ZAN: variants seen among roughly 807,000 people sequenced by gnomAD.
ZAN encodes zonadhesin.
Under a neutral mutation model 286.2 loss-of-function variants are expected in ZAN, and 260 were observed. The observed-to-expected ratio is 0.91, with a 90% CI of 0.82 to 1.01. The LOEUF (loss-of-function observed/expected upper bound fraction) is 1.01. Ranked by LOEUF, ZAN falls within the 50% of genes least tolerant of loss-of-function variation. ZAN has a pLI of 0.00. For synonymous variants in ZAN, 1,368 were observed against 1,417.5 expected, an observed-to-expected ratio of 0.97 and a Z score of 0.79; for missense variants, 3,410 against 3,639.2, an observed-to-expected ratio of 0.94 and a Z score of 1.62.
At chr7:100,766,983 C>T (rs747800395) in intron 24 of ZAN, 27 bp from the exon 25 acceptor site, 1 of 1,611,298 alleles carries the variant, frequency 6.2e-7, no homozygotes, top group African/African-American at 1.3e-5. Flanking sequence ...AGGAGTGAGA[C>T]TGTGAACTCC....
rs1426974946 is a variant in ZAN at position 100,768,485 on chromosome 7, AAG to A, written c.5042-121_5042-120del. 3.7e-6 allele frequency: 3 copies of A among 809,186 alleles called. No homozygotes were observed. The East Asian group carries it at 8.3e-5, about 22-fold the overall frequency. The allele number at this position is 809,186 out of a possible 1,614,324, so 50.1% of individuals were successfully genotyped here. On this transcript the variant is annotated intron_variant, in intron 26 of 47. Coordinates refer to ENST00000613979, the MANE Select transcript of ZAN (RefSeq NM_003386.3). Reference sequence around the variant, plus strand: ...AGACTCCATCTCAAAAAAGAAGAAAAAGAGACAGAAAGGGTTAACCTTGCTAT... The same window carrying A: ...AGACTCCATCTCAAAAAAGAAGAAAAAGACAGAAAGGGTTAACCTTGCTAT...
chr7:100,773,548 C>T (rs1223244923), intron 30 of ZAN, 55 bp downstream of exon 30: 4 of 1,593,236 alleles, frequency 2.5e-6, no homozygotes, highest in East Asian at 2.2e-5. Flanking sequence ...TGTTTGGGGT[C>T]AGGGCAAGCT....
chr7:100,773,553 C>T, intron 30 of ZAN, 60 bp downstream of exon 30: 1 of 1,587,852 alleles, frequency 6.3e-7, no homozygotes. Context: ...GGGGTCAGGG[C>T]AAGCTCAGGA....
At chr7:100,755,186 C>T (rs1269107820) in intron 14 of ZAN, 40 bp from the exon 15 acceptor site, 3 of 1,572,450 alleles carry the variant, frequency 1.9e-6, no homozygotes, top group African/African-American at 2.7e-5. Context: ...CCTGAGAAAG[C>T]CATGGAATGA....
At chr7:100,735,590 G>T in intron 2 of ZAN, 130 bp from the exon 3 acceptor site, 1 of 671,744 alleles carries the variant, frequency 1.5e-6, no homozygotes, top group Non-Finnish European at 2.4e-6. Context: ...AAAAAGTCAA[G>T]TCAGACACAT....
chr7:100,790,904 G>A, intron 39 of ZAN, 38 bp from the exon 40 acceptor site: 1 of 1,269,722 alleles, frequency 7.9e-7, no homozygotes, highest in South Asian at 1.4e-5. Context: ...AAAAAAGAGT[G>A]AGGAGTCTCA....
At chr7:100,771,437 G>GT (rs112916908) in intron 28 of ZAN, among the ~76,000 whole-genome samples, 2,299 of 139,764 alleles carry the variant, frequency 0.016, 56 homozygotes, top group African/African-American at 0.051. Flanking sequence ...TTTTTTTTTT[G>GT]TTTTTTTTTT....
chr7:100,767,906 G>A lies in ZAN; in HGVS notation c.4936G>A (p.Val1646Ile), dbSNP rs1196216790. 4 of 1,613,908 alleles carry A rather than the reference G, an allele frequency of 2.5e-6. No individual in the cohort carries two copies. Among genetic ancestry groups the A allele is most frequent in the Non-Finnish European group, 3.4e-6 (4 of 1,179,874 alleles). ...GACCATAAGGCTCAGCAGCAACCTCGTCCTCCTCTACACGAACTTTGGGCT... is the reference window on the plus strand; with the variant it reads ...GACCATAAGGCTCAGCAGCAACCTCATCCTCCTCTACACGAACTTTGGGCT... ...RVTIRLSSNL[V>I]LLYTNFGLQV... Residue 1646 changes from valine (V) to isoleucine (I), a missense_variant, in exon 26 of 48, where the codon GTC becomes ATC. Transcript: ENST00000613979.
At chr7:100,761,949 T>C (rs931894575) in intron 19 of ZAN, among the ~76,000 whole-genome samples, 11 of 126,782 alleles carry the variant, frequency 8.7e-5, no homozygotes, top group African/African-American at 7.7e-5. Flanking sequence ...AAAAAAAGGA[T>C]AAATAAATAA....
intron 27 of ZAN, among the ~76,000 whole-genome samples, chr7:100,769,412 C>T (rs1055081744): frequency 2.0e-5 from 3 of 151,892 alleles, no homozygotes; most frequent in African/African-American, 7.2e-5. Context: ...ACTTTTGCTT[C>T]GGTTTGGGAG....
intron 31 of ZAN, 54 bp downstream of exon 31, chr7:100,773,919 A>G: frequency 6.4e-7 from 1 of 1,555,526 alleles, no homozygotes; most frequent in Non-Finnish European, 8.7e-7. Flanking sequence ...CCACTCTCCC[A>G]ACTCCCCAAC....
intron 36 of ZAN, 113 bp downstream of exon 36, chr7:100,784,947 G>A: frequency 8.1e-7 from 1 of 1,239,340 alleles, no homozygotes. Context: ...TGGCCCGGGG[G>A]TGTGAAGGCT....
rs751494673 is a variant in ZAN, at chr7:100,758,261, T to A, written c.3369T>A (p.Ser1123Arg). ...CTEHCRCWPG[S>R]RVECQISQCG... is the part of the protein sequence containing the mutation. ...AACATTGCCGCTGCTGGCCCGGCAG[T>A]CGGGTCGAGTGCCAGATCTCTCAGT... The change falls in exon 16 of 48, where the codon AGT (serine) becomes AGA (arginine). Residue 1123 changes from serine (S) to arginine (R), a missense_variant. By Grantham distance (110) the Ser-to-Arg change is moderately radical. Coordinates refer to ENST00000613979, the MANE Select transcript of ZAN (RefSeq NM_003386.3). 6.2e-7 allele frequency: 1 copy of A among 1,613,350 alleles called. No individual in the cohort carries two copies. Among genetic ancestry groups the A allele is most frequent in the Non-Finnish European group, 8.5e-7 (1 of 1,179,866 alleles).
intron 13 of ZAN, 64 bp from the exon 14 acceptor site, chr7:100,751,648 G>A (rs1281963866): frequency 1.9e-5 from 29 of 1,502,228 alleles, no homozygotes; most frequent in Admixed American, 9.9e-5. Context: ...CCAGTTAGAT[G>A]GCAGTAAAGA....
chr7:100,782,192 C>CTTT (rs35837366), intron 35 of ZAN, among the ~76,000 whole-genome samples: 1 of 144,050 alleles, frequency 6.9e-6, no homozygotes. Context: ...CATCTTTTGA[C>CTTT]TTTTTTTTTT....
Position 100,786,091 on chromosome 7 carries a change from C to T in ZAN, c.6929C>T (p.Ser2310Phe). 1 of 1,614,006 alleles carries T rather than the reference C, an allele frequency of 6.2e-7. No individual in the cohort carries two copies. The highest frequency in any genetic ancestry group is 2.2e-5 in the East Asian group (1 of 44,878). Residue 2310 changes from serine to phenylalanine, a missense_variant, in exon 37 of 48, where the codon TCC becomes TTC. Ser to Phe is a radical substitution (Grantham distance 155, BLOSUM62 -2). Coordinates refer to ENST00000613979, the MANE Select transcript of ZAN (RefSeq NM_003386.3). ...GGGGACTTCCGATGCCCCTCTGGGTCCCACTGCCAGCTCACTTCCGACAAC... is the reference window on the plus strand; with the variant it reads ...GGGGACTTCCGATGCCCCTCTGGGTTCCACTGCCAGCTCACTTCCGACAAC... ...QCGDFRCPSG[S>F]HCQLTSDNSN...
intron 29 of ZAN, among the ~76,000 whole-genome samples, chr7:100,772,944 T>G (rs893398771): frequency 6.8e-5 from 10 of 147,926 alleles, no homozygotes; most frequent in Non-Finnish European, 1.5e-5. Flanking sequence ...TGACCTCGCC[T>G]CATTGCAACC....
chr7:100,794,278 C>T lies in ZAN; in HGVS notation c.8125+20C>T, dbSNP rs779191249. The T allele has an allele frequency of 4.8e-5, 76 of 1,575,644 alleles. No homozygotes were observed. The highest frequency in any genetic ancestry group is 6.3e-5 in the Non-Finnish European group (73 of 1,160,368). ...TTCCAGGTGAACCTGCACTCCTGCC[C>T]GGTTCCAAGCTGCCCCATGCCCTGG... On this transcript the variant is annotated intron_variant, in intron 44 of 47. Coordinates refer to ENST00000613979, the MANE Select transcript of ZAN (RefSeq NM_003386.3).
At position 100,751,856 on chromosome 7, in the gene ZAN, C is replaced by T. The variant is rs369725401; in HGVS notation, c.1751C>T (p.Pro584Leu). 103 of 1,613,670 alleles carry T rather than the reference C, an allele frequency of 6.4e-5. No homozygotes were observed. In the African/African-American group the frequency reaches 1.1e-3, roughly 18 times the overall value. The change falls in exon 14 of 48, where the codon CCC (proline) becomes CTC (leucine). Residue 584 changes from proline to leucine, a missense_variant. Physicochemically the swap from Pro to Leu is moderately conservative, Grantham distance 98 (BLOSUM62 -3). Around this residue, in one of 7 missense-constraint regions of ZAN, gnomAD observed 872 missense variants for 938.9 expected, o/e 0.93. Coordinates refer to ENST00000613979, the MANE Select transcript of ZAN (RefSeq NM_003386.3). ...IEKPSVTTEK[P>L]TVPKEKPTIP... ...AAACCCAGTGTCACCACAGAAAAGCCCACAGTCCCCAAAGAAAAGCCCACC... is the reference window on the plus strand; with the variant it reads ...AAACCCAGTGTCACCACAGAAAAGCTCACAGTCCCCAAAGAAAAGCCCACC...
Sources: gnomAD v4.1 joint callset for allele counts (sites outside exome capture counted in the v4.1 genomes callset) on GRCh38, gnomAD v4.1.1 for gene constraint, gnomAD v4.1.1 regional missense constraint, MANE v1.5 for transcripts, NCBI Gene and HGNC (gene_info 2026-07-23, HGNC 2026-07-21) for gene names.